The following INPP5A variants were observed in gnomAD, a reference collection of about 807,000 sequenced individuals.
The protein encoded by INPP5A is 43 kDa inositol polyphosphate 5-phophatase.
Under a neutral mutation model 65.2 loss-of-function variants are expected in INPP5A, and 14 were observed. The ratio of observed to expected loss-of-function variants is 0.21; its 90% CI spans 0.14 to 0.34. The LOEUF (loss-of-function observed/expected upper bound fraction) is 0.34. INPP5A is among the 10% of genes least tolerant of loss of function. The pLI is 1.00. For synonymous variants in INPP5A, 207 were observed against 208.3 expected, an observed-to-expected ratio of 0.99 and a Z score of 0.05; for missense variants, 431 against 545.6, an observed-to-expected ratio of 0.79 and a Z score of 2.09.
intron 1 of INPP5A, among the ~76,000 whole-genome samples, chr10:132,595,262 A>G (rs1338306979): frequency 1.3e-5 from 2 of 152,350 alleles, no homozygotes; most frequent in African/African-American, 4.8e-5. Flanking sequence ...CTGCAGGGCC[A>G]CGTCTGCAGG....
intron 11 of INPP5A, among the ~76,000 whole-genome samples, chr10:132,752,435 A>T (rs1434088409): frequency 1.8e-5 from 1 of 54,234 alleles, no homozygotes; most frequent in South Asian, 8.7e-4. Context: ...GGGGCGTGTG[A>T]TGTGGAGGGG....
At chr10:132,660,527 C>T (rs1437367340) in intron 4 of INPP5A, among the ~76,000 whole-genome samples, 2 of 152,152 alleles carry the variant, frequency 1.3e-5, no homozygotes, top group Non-Finnish European at 2.9e-5. Context: ...GTAGCACTGA[C>T]AAGAAGGTGG....
At position 132,663,400 on chromosome 10, in the gene INPP5A, T is replaced by A. The variant is rs542108505; in HGVS notation, c.306+12895T>A. The stretch of plus-strand genomic sequence containing the variant: ...CCACGCCTGGCTAAAAAAAAACTGT[T>A]TATAGAGACTGGGTGTCACCGTGTT... On this transcript the variant is annotated intron_variant, in intron 4 of 15. Transcript: ENST00000368594. This position sits in a 1 kb window ranked among gnomAD's most constrained non-coding sequence, Gnocchi z 4.5. 6.6e-6 allele frequency among the ~76,000 whole-genome samples: 1 copy of A among 152,054 alleles called. No individual in the cohort carries two copies. Among genetic ancestry groups the A allele is most frequent in the East Asian group, 1.9e-4 (1 of 5,148 alleles).
In INPP5A at chr10:132,727,172, G is replaced by A. The variant is rs1846001194; in HGVS notation, c.732+267G>A. ...CTTTGCCCTGTGGCTTCCGCCGTCG[G>A]CACACAAGGAGCTGCTGGAGTGCCG... On this transcript the variant is annotated intron_variant, in intron 9 of 15. Transcript: ENST00000368594. The surrounding 1 kb of genome is among the most constrained non-coding windows in gnomAD (Gnocchi z 6.5). 4 of 327,668 alleles carry A rather than the reference G, an allele frequency of 1.2e-5. No individual in the cohort carries two copies. The South Asian group carries it at 2.3e-4, about 19-fold the overall frequency. The allele number at this position is 327,668 out of a possible 1,614,324, so 20.3% of individuals were successfully genotyped here.
At chr10:132,724,894 C>G (rs1329050023) in intron 8 of INPP5A, among the ~76,000 whole-genome samples, 2 of 143,012 alleles carry the variant, frequency 1.4e-5, no homozygotes, top group African/African-American at 5.3e-5. Flanking sequence ...CCCAGGATGA[C>G]AGGAGCACAC....
At chr10:132,684,862 G>A (rs372900634) in intron 4 of INPP5A, among the ~76,000 whole-genome samples, 122 of 152,324 alleles carry the variant, frequency 8.0e-4, no homozygotes, top group African/African-American at 2.6e-3. Context: ...GTGAGGCCGC[G>A]TCCTTCATTT....
At chr10:132,776,351 G>A (rs1400763701) in intron 12 of INPP5A, among the ~76,000 whole-genome samples, 1 of 152,080 alleles carries the variant, frequency 6.6e-6, no homozygotes, top group African/African-American at 2.4e-5. Flanking sequence ...GGCAGAGCAA[G>A]TTCCCAGTCC....
chr10:132,732,330 CTT>C (rs2134596962), intron 9 of INPP5A, among the ~76,000 whole-genome samples: 1 of 152,372 alleles, frequency 6.6e-6, no homozygotes, highest in African/African-American at 2.4e-5. Context: ...CCACGTGGCT[CTT>C]TAAGACTGTG....
At chr10:132,763,692 A>AAC (rs201925399) in intron 11 of INPP5A, among the ~76,000 whole-genome samples, 2,487 of 149,566 alleles carry the variant, frequency 0.017, 58 homozygotes, top group African/African-American at 0.057. Flanking sequence ...CCTGCATGCA[A>AAC]ACACACACAT....
At chr10:132,589,182 T>C (rs2071586572) in intron 1 of INPP5A, among the ~76,000 whole-genome samples, 1 of 152,366 alleles carries the variant, frequency 6.6e-6, no homozygotes, top group South Asian at 2.1e-4. Context: ...CTGCCCAGTC[T>C]CTGAAGCCCA....
intron 9 of INPP5A, among the ~76,000 whole-genome samples, chr10:132,742,796 C>G (rs1230061919): frequency 6.6e-6 from 1 of 152,188 alleles, no homozygotes; most frequent in Non-Finnish European, 1.5e-5. Context: ...TTCATGATGC[C>G]GGTTTGGTTC....
chr10:132,662,760 C>T (rs1272199331), intron 4 of INPP5A, among the ~76,000 whole-genome samples: 1 of 152,112 alleles, frequency 6.6e-6, no homozygotes, highest in Non-Finnish European at 1.5e-5. Flanking sequence ...CCTGGCCGCT[C>T]TCTGCTCCCA....
chr10:132,759,298 C>G (rs750298955), intron 11 of INPP5A, among the ~76,000 whole-genome samples: 5 of 152,178 alleles, frequency 3.3e-5, no homozygotes, highest in Non-Finnish European at 7.4e-5. Flanking sequence ...GAATCCTGAT[C>G]TGGGCAAAGG....
intron 8 of INPP5A, among the ~76,000 whole-genome samples, chr10:132,716,235 G>A (rs1845737523): frequency 6.6e-6 from 1 of 152,222 alleles, no homozygotes; most frequent in South Asian, 2.1e-4. Context: ...CCTCCATCCT[G>A]AACCCCATCC....
At chr10:132,590,935 C>T (rs2071612072) in intron 1 of INPP5A, among the ~76,000 whole-genome samples, 2 of 152,172 alleles carry the variant, frequency 1.3e-5, no homozygotes. Context: ...TGGGCAGGAA[C>T]ATTACCAAGG....
In INPP5A at chr10:132,650,009, T is replaced by C. The variant is rs2072551975; in HGVS notation, c.219-409T>C. ...AGAACTACCTGGGCCCTGGGGTGCA[T>C]GTGCCCCAACCTGTGTGTGCTGGTG... On this transcript the variant is annotated intron_variant, in intron 3 of 15. Coordinates refer to ENST00000368594, the MANE Select transcript of INPP5A (RefSeq NM_005539.5). The surrounding 1 kb of genome is among the most constrained non-coding windows in gnomAD (Gnocchi z 5.5). Among the ~76,000 whole-genome samples the C allele has an allele frequency of 6.6e-6, 1 of 152,182 alleles. No homozygotes were observed. The highest frequency in any genetic ancestry group is 2.1e-4 in the South Asian group (1 of 4,828).
chr10:132,766,541 G>A (rs569767093), intron 12 of INPP5A, among the ~76,000 whole-genome samples: 25 of 152,160 alleles, frequency 1.6e-4, no homozygotes, highest in African/African-American at 5.1e-4. Flanking sequence ...TGGGGCGTGC[G>A]TCACACAGTT....
At position 132,545,006 on chromosome 10, in the gene INPP5A, G is replaced by A. The variant is rs1012265687; in HGVS notation, c.75+6835G>A. On this transcript the variant is annotated intron_variant, in intron 1 of 15. Transcript: ENST00000368594. The surrounding 1 kb of genome is among the most constrained non-coding windows in gnomAD (Gnocchi z 4.6). ...AAGTAAGCACCCAGATCGACCTGTCGGGCAGTGTTGGGAGAATGTCTGCAC... is the reference window on the plus strand; with the variant it reads ...AAGTAAGCACCCAGATCGACCTGTCAGGCAGTGTTGGGAGAATGTCTGCAC... Among the ~76,000 whole-genome samples the A allele has an allele frequency of 2.0e-5, 3 of 152,162 alleles. No individual in the cohort carries two copies. The highest frequency in any genetic ancestry group is 2.4e-5 in the African/African-American group (1 of 41,418).
chr10:132,565,983 C>T (rs1019457343), intron 1 of INPP5A, among the ~76,000 whole-genome samples: 2 of 151,642 alleles, frequency 1.3e-5, no homozygotes, highest in Non-Finnish European at 2.9e-5. Context: ...CTGGAGCAGT[C>T]GTAGACAAGA....
Sources: gnomAD v4.1 joint callset for allele counts (sites outside exome capture counted in the v4.1 genomes callset) on GRCh38, gnomAD v4.1.1 for gene constraint, Gnocchi (gnomAD v3.1) non-coding constraint, MANE v1.5 for transcripts, NCBI Gene and HGNC (gene_info 2026-07-23, HGNC 2026-07-21) for gene names.